MYT1L: variants seen among roughly 807,000 people sequenced by gnomAD.
MYT1L encodes myelin transcription factor 1-like protein.
MYT1L carries 12 observed loss-of-function variants against 126.7 expected under a neutral mutation model. The ratio of observed to expected loss-of-function variants is 0.09; its 90% confidence interval spans 0.06 to 0.15. The LOEUF is 0.15. MYT1L is among the 10% of genes least tolerant of loss of function. MYT1L has a pLI of 1.00. For synonymous variants in MYT1L, 541 were observed against 604.2 expected (o/e 0.90, Z 1.53); for missense variants, 979 against 1,585.2 (o/e 0.62, Z 6.49).
At chr2:1,875,187 C>A (rs2046753125) in intron 18 of MYT1L, among the ~76,000 whole-genome samples, 1 of 152,042 alleles carries the variant, frequency 6.6e-6, no homozygotes, top group Admixed American at 6.5e-5. Flanking sequence ...ACTGACTGAG[C>A]ATAGAGCTGC....
intron 3 of MYT1L, among the ~76,000 whole-genome samples, chr2:2,118,855 C>G (rs981450251): frequency 2.6e-5 from 4 of 152,196 alleles, no homozygotes; most frequent in African/African-American, 9.7e-5. Flanking sequence ...ATAGTTTTAT[C>G]AAGGTTGGAA....
intron 18 of MYT1L, among the ~76,000 whole-genome samples, chr2:1,860,374 C>T (rs1317102500): frequency 6.6e-6 from 1 of 152,142 alleles, no homozygotes; most frequent in Non-Finnish European, 1.5e-5. Context: ...GCCACCCCAG[C>T]CTCTCGCCCT....
chr2:1,860,525 T>C (rs921765550), intron 18 of MYT1L, among the ~76,000 whole-genome samples: 6 of 152,172 alleles, frequency 3.9e-5, no homozygotes, highest in Non-Finnish European at 7.3e-5. Context: ...AGAGAGGTAC[T>C]CACCTTGAGT....
At chr2:1,815,723 C>T (rs776927662) in intron 21 of MYT1L, among the ~76,000 whole-genome samples, 42 of 152,256 alleles carry the variant, frequency 2.8e-4, no homozygotes, top group Non-Finnish European at 5.1e-4. Flanking sequence ...CCGGCCTCTC[C>T]GCACCAGACA....
intron 8 of MYT1L, among the ~76,000 whole-genome samples, chr2:1,950,949 C>T (rs1246901655): frequency 6.6e-6 from 1 of 152,094 alleles, no homozygotes; most frequent in Non-Finnish European, 1.5e-5. Context: ...ACAGGTAGGA[C>T]ATGCAGGAGT....
At chr2:1,855,906 T>C (rs144454468) in intron 18 of MYT1L, among the ~76,000 whole-genome samples, 3,284 of 152,228 alleles carry the variant, frequency 0.022, 40 homozygotes, top group Middle Eastern at 0.041. Flanking sequence ...AAATAACTTT[T>C]GGTTGTACAT....
At chr2:2,294,770 G>T (rs556035935) in intron 1 of MYT1L, among the ~76,000 whole-genome samples, 1 of 152,304 alleles carries the variant, frequency 6.6e-6, no homozygotes, top group South Asian at 2.1e-4. Context: ...CCTTGTAGAA[G>T]AAATCAATTA....
At chr2:2,117,425 C>T (rs1453159623) in intron 3 of MYT1L, among the ~76,000 whole-genome samples, 4 of 152,162 alleles carry the variant, frequency 2.6e-5, no homozygotes, top group Non-Finnish European at 5.9e-5. Context: ...TGCAGAATCA[C>T]CGGGACTTCA....
At chr2:2,232,118 T>C (rs2149068677) in intron 2 of MYT1L, among the ~76,000 whole-genome samples, 1 of 152,350 alleles carries the variant, frequency 6.6e-6, no homozygotes, top group East Asian at 1.9e-4. Flanking sequence ...AAGATGTAAC[T>C]TGCTGATTAC....
At chr2:1,923,363 G>T in intron 9 of MYT1L, 100 bp from the exon 10 acceptor site, 1 of 967,564 alleles carries the variant, frequency 1.0e-6, no homozygotes, top group Non-Finnish European at 1.5e-6. Flanking sequence ...TTAACTGCAA[G>T]TCAAACCGTC....
At chr2:2,152,831 G>C (rs2086038022) in intron 3 of MYT1L, among the ~76,000 whole-genome samples, 1 of 152,162 alleles carries the variant, frequency 6.6e-6, no homozygotes, top group Admixed American at 6.5e-5. Context: ...GGAGTTCCTT[G>C]GAGGGGTCCA....
At chr2:2,223,069 C>T (rs1369377755) in intron 2 of MYT1L, among the ~76,000 whole-genome samples, 1 of 152,156 alleles carries the variant, frequency 6.6e-6, no homozygotes, top group Non-Finnish European at 1.5e-5. Context: ...ACTTCCTAGG[C>T]ACTGCCTCCT....
intron 4 of MYT1L, among the ~76,000 whole-genome samples, chr2:2,002,274 C>G (rs1305790180): frequency 6.6e-6 from 1 of 152,168 alleles, no homozygotes; most frequent in Admixed American, 6.5e-5. Context: ...GCGGTTGGCT[C>G]TCTGCTGCTG....
At chr2:2,119,971 A>AG (rs1351893929) in intron 3 of MYT1L, among the ~76,000 whole-genome samples, 1 of 152,134 alleles carries the variant, frequency 6.6e-6, no homozygotes, top group Non-Finnish European at 1.5e-5. Context: ...TGCCTGTTTA[A>AG]GAGAATAAAG....
intron 2 of MYT1L, among the ~76,000 whole-genome samples, chr2:2,194,466 C>T (rs750819366): frequency 5.2e-4 from 79 of 152,134 alleles, no homozygotes; most frequent in Admixed American, 1.3e-4. Flanking sequence ...TAGCTATATT[C>T]CTTTAGAAGT....
At chr2:1,992,126 C>A (rs1342237748) in intron 5 of MYT1L, among the ~76,000 whole-genome samples, 1 of 152,140 alleles carries the variant, frequency 6.6e-6, no homozygotes, top group Non-Finnish European at 1.5e-5. Context: ...CACCGTTTTG[C>A]AAATTTATTT....
At chr2:1,871,234 T>C (rs1381414013) in intron 18 of MYT1L, among the ~76,000 whole-genome samples, 1 of 152,242 alleles carries the variant, frequency 6.6e-6, no homozygotes, top group Non-Finnish European at 1.5e-5. Context: ...AGGCAACTAA[T>C]TTAACCCTTG....
rs2048612299 is a variant in MYT1L at position 1,889,737 on chromosome 2, T to C, written c.2284-260A>G. On this transcript the variant is annotated intron_variant, in intron 15 of 24. Coordinates refer to ENST00000647738, the MANE Select transcript of MYT1L (RefSeq NM_001303052.2). This position sits in a 1 kb window ranked among gnomAD's most constrained non-coding sequence, Gnocchi z 4.1. ...ATCCCTCTCTCCCTCCCTCCCTCCA[T>C]TTCCCTATTTATCTACTGTCTATCC... is the stretch of plus-strand genomic sequence containing the variant. 2.0e-5 allele frequency among the ~76,000 whole-genome samples: 3 copies of C among 152,126 alleles called. No homozygotes were observed. Among genetic ancestry groups the C allele is most frequent in the Non-Finnish European group, 2.9e-5 (2 of 68,014 alleles).
intron 20 of MYT1L, 149 bp downstream of exon 20, chr2:1,840,611 T>C: frequency 1.6e-6 from 1 of 642,824 alleles, no homozygotes; most frequent in South Asian, 2.0e-5. Context: ...TGGGTCTAAG[T>C]TATCTGACCT....
Sources: allele counts gnomAD v4.1 joint callset (sites outside exome capture counted in the v4.1 genomes callset), GRCh38; gene constraint gnomAD v4.1.1; non-coding constraint Gnocchi (gnomAD v3.1); transcripts MANE v1.5; gene names NCBI Gene and HGNC (gene_info 2026-07-23, HGNC 2026-07-21).